NRXN1: variants seen among roughly 807,000 people sequenced by gnomAD.
The protein encoded by NRXN1 is neurexin 1.
NRXN1 carries 39 observed loss-of-function variants against 150.9 expected under a neutral mutation model. That is an observed-to-expected ratio of 0.26 (90% CI 0.20 to 0.34). The LOEUF is 0.34. Among genes scored for constraint, NRXN1 ranks in the 10% least tolerant of loss-of-function variants. The pLI is 1.00. For missense variants in NRXN1, 1,815 were observed against 1,949.9 expected, an observed-to-expected ratio of 0.93 and a Z score of 1.30; for synonymous variants, 924 against 757.0, an observed-to-expected ratio of 1.22 and a Z score of -3.62.
intron 19 of NRXN1, among the ~76,000 whole-genome samples, chr2:50,066,643 C>T (rs553967126): frequency 1.3e-5 from 2 of 152,026 alleles, no homozygotes; most frequent in African/African-American, 4.8e-5. Flanking sequence ...CATATTTAGT[C>T]TCAAAATATA....
intron 15 of NRXN1, among the ~76,000 whole-genome samples, chr2:50,478,810 C>T (rs2090205791): frequency 6.6e-6 from 1 of 152,206 alleles, no homozygotes; most frequent in African/African-American, 2.4e-5. Flanking sequence ...AATTCAGTAT[C>T]ATTTTTAACT....
chr2:50,475,025 T>C (rs1257042051), intron 15 of NRXN1, among the ~76,000 whole-genome samples: 1 of 152,016 alleles, frequency 6.6e-6, no homozygotes, highest in South Asian at 2.1e-4. Context: ...ACATCAGAGA[T>C]TGTGGGCTGA....
At chr2:50,885,181 A>G (rs1179503685) in intron 5 of NRXN1, among the ~76,000 whole-genome samples, 1 of 151,554 alleles carries the variant, frequency 6.6e-6, no homozygotes, top group Non-Finnish European at 1.5e-5. Flanking sequence ...TAGAATATCT[A>G]TGATCCTGAA....
At chr2:50,625,040 G>A (rs1354186490) in intron 5 of NRXN1, 3 of 151,772 alleles carry the variant, frequency 2.0e-5, no homozygotes, top group Non-Finnish European at 4.4e-5. Flanking sequence ...AATTATAAAC[G>A]GTACTGGAGA....
At chr2:50,462,087 A>C (rs1413312568) in intron 17 of NRXN1, among the ~76,000 whole-genome samples, 1 of 151,902 alleles carries the variant, frequency 6.6e-6, no homozygotes, top group East Asian at 1.9e-4. Context: ...TTGGACACTG[A>C]GGATATATTT....
At chr2:50,876,777 A>G (rs1347860203) in intron 5 of NRXN1, among the ~76,000 whole-genome samples, 2 of 151,830 alleles carry the variant, frequency 1.3e-5, no homozygotes, top group African/African-American at 4.8e-5. Flanking sequence ...ATGGTAGAAG[A>G]GACACATTAC....
chr2:50,145,440 T>C (rs1188671784), intron 18 of NRXN1, among the ~76,000 whole-genome samples: 1 of 151,710 alleles, frequency 6.6e-6, no homozygotes, highest in African/African-American at 2.4e-5. Context: ...ACCAACCAAA[T>C]AATCTAATCT....
At chr2:50,591,774 C>A (rs963687563) in intron 8 of NRXN1, among the ~76,000 whole-genome samples, 1 of 152,210 alleles carries the variant, frequency 6.6e-6, no homozygotes, top group Non-Finnish European at 1.5e-5. Context: ...GCTGCCAAAG[C>A]CGAGCAGGGA....
At chr2:50,416,703 A>G (rs540654613) in intron 17 of NRXN1, among the ~76,000 whole-genome samples, 5 of 152,172 alleles carry the variant, frequency 3.3e-5, no homozygotes, top group African/African-American at 1.2e-4. Context: ...ACATGATGGC[A>G]GGAAGGAGAA....
chr2:50,532,966 C>T (rs935702026), intron 10 of NRXN1, among the ~76,000 whole-genome samples: 12 of 152,142 alleles, frequency 7.9e-5, no homozygotes, highest in African/African-American at 2.9e-4. Context: ...ATTATTTTGC[C>T]TACTTACACA....
At chr2:50,012,317 T>A (rs1685829449) in intron 21 of NRXN1, among the ~76,000 whole-genome samples, 1 of 152,168 alleles carries the variant, frequency 6.6e-6, no homozygotes, top group Admixed American at 6.6e-5. Context: ...ACAACTTGTA[T>A]GTCTTTTTAA....
intron 5 of NRXN1, among the ~76,000 whole-genome samples, chr2:50,701,780 C>A (rs2104966540): frequency 6.6e-6 from 1 of 152,174 alleles, no homozygotes; most frequent in East Asian, 1.9e-4. Flanking sequence ...ATTGTTTTCC[C>A]TCTGTTATAA....
At chr2:50,085,265 C>G (rs939858469) in intron 19 of NRXN1, among the ~76,000 whole-genome samples, 3 of 152,154 alleles carry the variant, frequency 2.0e-5, no homozygotes, top group Non-Finnish European at 4.4e-5. Flanking sequence ...ATTTATTCAA[C>G]AACTATTTAT....
intron 17 of NRXN1, among the ~76,000 whole-genome samples, chr2:50,411,401 C>T (rs1463395708): frequency 1.3e-5 from 2 of 152,200 alleles, no homozygotes; most frequent in Non-Finnish European, 2.9e-5. Flanking sequence ...AGCCGCCTGC[C>T]TTGGCCTCCC....
intron 21 of NRXN1, among the ~76,000 whole-genome samples, chr2:49,987,878 G>A (rs1468053106): frequency 6.6e-6 from 1 of 151,432 alleles, no homozygotes; most frequent in Non-Finnish European, 1.5e-5. Flanking sequence ...ATATTTTAAG[G>A]TCTAATCAAT....
Position 50,552,881 on chromosome 2 carries a change from A to G in NRXN1, c.1465T>C (p.Ser489Pro), listed in dbSNP as rs1667732787. The change falls in exon 9 of 23, where the codon TCT becomes CCT. Residue 489 changes from serine to proline, a missense_variant. Transcript: ENST00000401669. Reference protein sequence around the residue: ...LDPITFETPESFISLPKWNAK... With the variant: ...LDPITFETPEPFISLPKWNAK... ...TTCCATTTAGGCAAAGAGATGAAAG[A>G]CTCTGGGGTTTCAAAGGTGATTGGG... The G allele has an allele frequency of 6.2e-7, 1 of 1,613,636 alleles. No individual in the cohort carries two copies. Among genetic ancestry groups the G allele is most frequent in the African/African-American group, 1.3e-5 (1 of 74,810 alleles).
At chr2:50,949,211 T>A (rs1035780782) in intron 2 of NRXN1, among the ~76,000 whole-genome samples, 2 of 151,994 alleles carry the variant, frequency 1.3e-5, no homozygotes, top group Non-Finnish European at 2.9e-5. Context: ...CATAATAACA[T>A]GTGGGGCTCA....
intron 5 of NRXN1, among the ~76,000 whole-genome samples, chr2:50,651,099 T>C (rs1685546801): frequency 6.6e-6 from 1 of 152,058 alleles, no homozygotes; most frequent in African/African-American, 2.4e-5. Context: ...ATCCATAATG[T>C]GACCCAAATA....
At chr2:50,505,120 A>G (rs1467152407) in intron 13 of NRXN1, among the ~76,000 whole-genome samples, 1 of 152,170 alleles carries the variant, frequency 6.6e-6, no homozygotes, top group African/African-American at 2.4e-5. Flanking sequence ...TTGCCTTATA[A>G]TATCATGCAT....
Sources: allele counts gnomAD v4.1 joint callset (sites outside exome capture counted in the v4.1 genomes callset), GRCh38; gene constraint gnomAD v4.1.1; transcripts MANE v1.5; gene names NCBI Gene and HGNC (gene_info 2026-07-23, HGNC 2026-07-21).